COG6: variants seen among roughly 807,000 people sequenced by gnomAD.
COG6 encodes component of oligomeric golgi complex 6, also known as conserved oligomeric Golgi complex subunit 6.
In COG6, 74 loss-of-function variants were observed where a neutral mutation model predicts 88.8. That is an observed-to-expected ratio of 0.83 (90% confidence interval 0.69 to 1.01). COG6 has a LOEUF of 1.01. Among genes scored for constraint, COG6 ranks in the 50% least tolerant of loss-of-function variants. The pLI, the probability that COG6 is intolerant of heterozygous loss-of-function variation, is 0.00. For synonymous variants in COG6, 286 were observed against 278.7 expected (o/e 1.03, Z -0.26); for missense variants, 800 against 797.9 (o/e 1.00, Z -0.03).
At chr13:39,687,070 T>C (rs2138005422) in intron 8 of COG6, among the ~76,000 whole-genome samples, 1 of 152,248 alleles carries the variant, frequency 6.6e-6, no homozygotes, top group South Asian at 2.1e-4. Flanking sequence ...TTTTGAGAAC[T>C]GTTATGGCTT....
rs368640991 is a variant in COG6, at chr13:39,655,767, C to T, written c.41C>T (p.Thr14Ile). The change falls in exon 1 of 19, where the codon ACC becomes ATC. Residue 14 changes from threonine (T) to isoleucine (I), a missense_variant. Thr to Ile is a moderately conservative substitution (Grantham distance 89). Transcript: ENST00000455146. The part of the protein sequence containing the change: ...GSGEVVAVSA[T>I]GAANGLNNGA... ...GGGGAAGTGGTCGCAGTGTCTGCGA[C>T]CGGGGCTGCCAACGGCCTCAACAAT... The T allele has an allele frequency of 2.5e-6, 4 of 1,593,198 alleles. No individual in the cohort carries two copies. The African/African-American group carries it at 5.4e-5, about 21-fold the overall frequency.
chr13:39,727,789 G>A (rs1879217347), intron 18 of COG6, among the ~76,000 whole-genome samples: 1 of 151,948 alleles, frequency 6.6e-6, no homozygotes, highest in Non-Finnish European at 1.5e-5. Context: ...AAATTACTTT[G>A]AATATAATTG....
chr13:39,697,561 A>C (rs562328313), intron 12 of COG6, among the ~76,000 whole-genome samples: 1 of 152,104 alleles, frequency 6.6e-6, no homozygotes, highest in East Asian at 1.9e-4. Context: ...TTACTTTCCT[A>C]TGCCCTTATC....
chr13:39,690,571 T>A (rs1260706106), intron 11 of COG6, among the ~76,000 whole-genome samples: 1 of 152,048 alleles, frequency 6.6e-6, no homozygotes, highest in Non-Finnish European at 1.5e-5. Flanking sequence ...CTTCATTGAT[T>A]GACTTTAATT....
chr13:39,712,598 T>G (rs919383606), intron 13 of COG6, among the ~76,000 whole-genome samples: 1 of 152,008 alleles, frequency 6.6e-6, no homozygotes, highest in African/African-American at 2.4e-5. Context: ...AAATAAGGAG[T>G]CTAATCTGTT....
At chr13:39,683,437 T>C (rs562361730) in intron 8 of COG6, among the ~76,000 whole-genome samples, 15 of 152,284 alleles carry the variant, frequency 9.9e-5, no homozygotes, top group African/African-American at 3.4e-4. Context: ...TGCAAAGATA[T>C]ACATTGAGAG....
intron 18 of COG6, chr13:39,788,193 T>C: frequency 1.2e-6 from 1 of 843,238 alleles, no homozygotes; most frequent in Non-Finnish European, 2.0e-6. Context: ...TCACACGTAC[T>C]CCACCACATG....
intron 15 of COG6, among the ~76,000 whole-genome samples, chr13:39,721,271 A>T (rs574123728): frequency 6.6e-6 from 1 of 152,240 alleles, no homozygotes; most frequent in East Asian, 1.9e-4. Flanking sequence ...TCTATGTGCT[A>T]AATTAAGCTT....
intron 18 of COG6, among the ~76,000 whole-genome samples, chr13:39,770,867 C>T (rs1038659799): frequency 3.9e-5 from 6 of 152,168 alleles, no homozygotes; most frequent in Non-Finnish European, 5.9e-5. Context: ...GTGTAGTTAC[C>T]GCACTCTTTA....
At chr13:39,656,336 A>G (rs1874494583) in intron 1 of COG6, 2 of 363,180 alleles carry the variant, frequency 5.5e-6, no homozygotes. Context: ...GTGCATTTCC[A>G]CGGACAAGTG....
chr13:39,691,884 G>T (rs1174448362), intron 11 of COG6, among the ~76,000 whole-genome samples: 1 of 151,848 alleles, frequency 6.6e-6, no homozygotes, highest in East Asian at 1.9e-4. Flanking sequence ...AATGACATAT[G>T]ATATTGGATG....
chr13:39,679,754 G>A (rs1876198690), intron 6 of COG6, 134 bp downstream of exon 6: 3 of 741,488 alleles, frequency 4.0e-6, no homozygotes, highest in South Asian at 1.5e-5. Flanking sequence ...TTAGAGAATG[G>A]TGAAGTTATA....
At chr13:39,739,236 T>C (rs1879921352) in intron 18 of COG6, among the ~76,000 whole-genome samples, 1 of 152,086 alleles carries the variant, frequency 6.6e-6, no homozygotes, top group Non-Finnish European at 1.5e-5. Flanking sequence ...AGTTTTTCTT[T>C]ATAAATTCCA....
chr13:39,679,928 G>T, intron 6 of COG6, 47 bp from the exon 7 acceptor site: 3 of 981,326 alleles, frequency 3.1e-6, no homozygotes, highest in Non-Finnish European at 4.9e-6. Context: ...GTGCTTAGAT[G>T]TATCTGTTGA....
chr13:39,754,195 T>C (rs2138154427), downstream of COG6, among the ~76,000 whole-genome samples: 1 of 152,292 alleles, frequency 6.6e-6, no homozygotes, highest in Non-Finnish European at 1.5e-5. Flanking sequence ...TGGCATACTC[T>C]AGGGCTTGAT....
At chr13:39,679,491 A>G in intron 5 of COG6, 47 bp from the exon 6 acceptor site, 1 of 1,050,086 alleles carries the variant, frequency 9.5e-7, no homozygotes, top group Non-Finnish European at 1.5e-6. Context: ...TAAATAATGC[A>G]ATTTTGCCTG....
At chr13:39,713,247 A>G (rs754481388) in intron 13 of COG6, among the ~76,000 whole-genome samples, 2 of 152,224 alleles carry the variant, frequency 1.3e-5, no homozygotes, top group Non-Finnish European at 2.9e-5. Flanking sequence ...CATGAAGTTC[A>G]TAAATTGTTT....
chr13:39,689,610 T>C (rs1387045844), intron 10 of COG6, 150 bp from the exon 11 acceptor site: 2 of 600,790 alleles, frequency 3.3e-6, no homozygotes, highest in East Asian at 2.9e-5. Flanking sequence ...CCAAGAGATA[T>C]CAAACTTACT....
rs576290461 is a variant in COG6, at chr13:39,751,372, C to T, written c.*279C>T. The stretch of plus-strand genomic sequence containing the variant: ...TGCAGTTTTCACTGTATTCAGGAAG[C>T]ATAAAGTAGTATGAAAGGTTTGAAG... On this transcript the variant is annotated 3_prime_UTR_variant, in exon 19 of 19. Transcript: ENST00000455146. The T allele has an allele frequency of 5.0e-6, 7 of 1,396,706 alleles. No individual in the cohort carries two copies. In the Admixed American group the frequency reaches 1.1e-4, roughly 21 times the overall value. The allele number at this position is 1,396,706 out of a possible 1,614,324, so 86.5% of individuals were successfully genotyped here. A position where few individuals can be genotyped will look rare whatever the true frequency, so the allele number is the denominator to read the frequency against.
Sources: allele counts gnomAD v4.1 joint callset (sites outside exome capture counted in the v4.1 genomes callset), GRCh38; gene constraint gnomAD v4.1.1; transcripts MANE v1.5; gene names NCBI Gene and HGNC (gene_info 2026-07-23, HGNC 2026-07-21).